Variants in MYRIP observed in about 807,000 individuals in gnomAD.
MYRIP encodes the protein rab effector MyRIP.
A neutral mutation model predicts 98.0 loss-of-function variants in MYRIP; 49 were observed. The ratio of observed to expected loss-of-function variants is 0.50; its 90% CI spans 0.40 to 0.63. The LOEUF is 0.63. Ranked by LOEUF, MYRIP falls within the 30% of genes least tolerant of loss-of-function variation. The probability of loss-of-function intolerance (pLI) is 0.00; values close to 1 mark genes in which losing one functional copy is unlikely to be tolerated. For synonymous variants in MYRIP, 404 were observed against 409.5 expected, an observed-to-expected ratio of 0.99 and a Z score of 0.16; for missense variants, 1,004 against 1,058.2, an observed-to-expected ratio of 0.95 and a Z score of 0.71.
chr3:39,885,900 A>T (rs545525719), intron 1 of MYRIP, among the ~76,000 whole-genome samples: 1 of 152,012 alleles, frequency 6.6e-6, no homozygotes, highest in South Asian at 2.1e-4. Flanking sequence ...ACATTCTTCT[A>T]AATTTTTTTC....
intron 2 of MYRIP, among the ~76,000 whole-genome samples, chr3:39,926,054 T>C (rs1358166763): frequency 6.6e-6 from 1 of 152,106 alleles, no homozygotes; most frequent in African/African-American, 2.4e-5. Flanking sequence ...TATCTCATAG[T>C]GGTTTTGATT....
At chr3:40,039,072 G>A (rs72871433) in intron 2 of MYRIP, among the ~76,000 whole-genome samples, 2,412 of 152,136 alleles carry the variant, frequency 0.016, 53 homozygotes, top group African/African-American at 0.055. Context: ...TTTTCTGTTC[G>A]GCCTGGAGCT....
chr3:39,878,623 T>C (rs1943076418), intron 1 of MYRIP, among the ~76,000 whole-genome samples: 2 of 152,176 alleles, frequency 1.3e-5, no homozygotes, highest in Non-Finnish European at 2.9e-5. Context: ...TACATATATA[T>C]CTTTTTTGCT....
intron 12 of MYRIP, 44 bp from the exon 13 acceptor site, chr3:40,244,402 C>A: frequency 6.4e-7 from 1 of 1,555,536 alleles, no homozygotes; most frequent in Non-Finnish European, 8.7e-7. Context: ...CCAACCAGTC[C>A]CAAGTCTGCA....
intron 1 of MYRIP, among the ~76,000 whole-genome samples, chr3:39,869,263 T>C (rs1942713889): frequency 6.6e-6 from 1 of 152,206 alleles, no homozygotes; most frequent in South Asian, 2.1e-4. Flanking sequence ...ACATTCCTTT[T>C]TTTAATTGTT....
At chr3:39,851,313 C>G (rs1270427564) in intron 1 of MYRIP, among the ~76,000 whole-genome samples, 5 of 152,202 alleles carry the variant, frequency 3.3e-5, no homozygotes, top group Non-Finnish European at 7.3e-5. Flanking sequence ...GTGGTGACCA[C>G]TAGATATTTC....
intron 2 of MYRIP, among the ~76,000 whole-genome samples, chr3:39,909,888 TTTTG>T (rs71091777): frequency 6.6e-6 from 1 of 151,460 alleles, no homozygotes; most frequent in Non-Finnish European, 1.5e-5. Flanking sequence ...CGTTCTTTTT[TTTTG>T]TTTGTTTGTT....
intron 5 of MYRIP, among the ~76,000 whole-genome samples, chr3:40,164,425 C>G (rs946314820): frequency 3.3e-5 from 5 of 152,166 alleles, no homozygotes; most frequent in Non-Finnish European, 7.3e-5. Flanking sequence ...GGTGCTTCAG[C>G]CTTCAGGCTG....
At chr3:39,906,961 G>A (rs182677021) in intron 2 of MYRIP, among the ~76,000 whole-genome samples, 20 of 152,320 alleles carry the variant, frequency 1.3e-4, no homozygotes, top group Non-Finnish European at 2.6e-4. Context: ...GATTAGGGGT[G>A]GGAGAGGTTA....
chr3:40,162,368 T>C (rs181355830), intron 4 of MYRIP, among the ~76,000 whole-genome samples: 79 of 152,256 alleles, frequency 5.2e-4, no homozygotes, highest in Admixed American at 2.4e-3. Context: ...AATGAATAAA[T>C]TCCAGATGCA....
intron 1 of MYRIP, among the ~76,000 whole-genome samples, chr3:39,893,051 GTGGGT>G (rs1943524848): frequency 6.6e-6 from 1 of 152,192 alleles, no homozygotes; most frequent in Non-Finnish European, 1.5e-5. Context: ...ACTTGACCAA[GTGGGT>G]TGTATGGCCT....
intron 2 of MYRIP, among the ~76,000 whole-genome samples, chr3:40,034,714 C>A (rs1211857505): frequency 1.3e-5 from 2 of 151,406 alleles, no homozygotes; most frequent in Non-Finnish European, 2.9e-5. Flanking sequence ...CCAGCCATCC[C>A]ATTACTGGGT....
intron 3 of MYRIP, among the ~76,000 whole-genome samples, chr3:40,086,548 C>T (rs776498645): frequency 6.6e-6 from 1 of 152,218 alleles, no homozygotes; most frequent in Admixed American, 6.5e-5. Context: ...GGTTTCAGGA[C>T]ATGCGGTGTG....
chr3:40,147,148 G>A lies in MYRIP; in HGVS notation c.333-3900G>A, dbSNP rs547107761. Among the ~76,000 whole-genome samples the A allele has an allele frequency of 2.6e-5, 4 of 152,038 alleles. No individual in the cohort carries two copies. In the South Asian group the frequency reaches 8.3e-4, roughly 32 times the overall value. ...AGTCAACTTTAGACTTTAATGAATA[G>A]TTCACTTTTTTCCTATCTCCTTACC... On this transcript the variant is annotated intron_variant, in intron 3 of 16. Coordinates refer to ENST00000302541, the MANE Select transcript of MYRIP (RefSeq NM_015460.4).
chr3:39,939,318 A>C (rs564625964), intron 2 of MYRIP, among the ~76,000 whole-genome samples: 16 of 152,324 alleles, frequency 1.1e-4, no homozygotes, highest in Non-Finnish European at 1.9e-4. Context: ...GCAGGAAAAC[A>C]GCCAGAGAGG....
intron 2 of MYRIP, among the ~76,000 whole-genome samples, chr3:39,968,530 A>G (rs1575422379): frequency 1.3e-5 from 2 of 152,136 alleles, no homozygotes; most frequent in Admixed American, 1.3e-4. Flanking sequence ...TCCAGCTTCA[A>G]TCTTCTGCAT....
intron 3 of MYRIP, among the ~76,000 whole-genome samples, chr3:40,108,204 AG>A (rs1575543549): frequency 7.0e-6 from 1 of 142,538 alleles, no homozygotes; most frequent in Non-Finnish European, 1.5e-5. Flanking sequence ...AGAGAGAGAG[AG>A]AGAGAGAGGG....
intron 2 of MYRIP, among the ~76,000 whole-genome samples, chr3:40,005,312 C>T (rs994326001): frequency 4.6e-5 from 7 of 152,218 alleles, no homozygotes; most frequent in African/African-American, 7.2e-5. Flanking sequence ...ACTCATAGTA[C>T]CTGGCAGAGT....
At chr3:39,987,985 AGAT>A (rs754777200) in intron 2 of MYRIP, among the ~76,000 whole-genome samples, 3 of 152,238 alleles carry the variant, frequency 2.0e-5, no homozygotes, top group Non-Finnish European at 4.4e-5. Context: ...TGGCCATAAA[AGAT>A]GATGAGTTCA....
Sources: gnomAD v4.1 joint callset for allele counts (sites outside exome capture counted in the v4.1 genomes callset) on GRCh38, gnomAD v4.1.1 for gene constraint, MANE v1.5 for transcripts, NCBI Gene and HGNC (gene_info 2026-07-23, HGNC 2026-07-21) for gene names.